The following POTEB3 variants were observed in gnomAD, a reference collection of about 807,000 sequenced individuals.
POTEB3 encodes the protein ANKRD26-like family B member 1.
A neutral mutation model predicts 39.8 loss-of-function variants in POTEB3; 5 were observed. The ratio of observed to expected loss-of-function variants is 0.13; its 90% CI spans 0.07 to 0.26. The LOEUF (loss-of-function observed/expected upper bound fraction) is 0.26, where lower values mean the gene tolerates loss of function less well. Ranked by LOEUF, POTEB3 falls within the 10% of genes least tolerant of loss-of-function variation. The pLI is 1.00. For missense variants in POTEB3, 24 were observed against 475.6 expected, an observed-to-expected ratio of 0.05 and a Z score of 8.83; for synonymous variants, 5 against 161.5, an observed-to-expected ratio of 0.03 and a Z score of 7.35.
rs1231323942 is a variant in POTEB3, at chr15:21,409,112, T to C, written c.1617A>G (p.Glu539=). Residue 539 remains glutamate, a synonymous_variant, in exon 11 of 11, where the codon GAA becomes GAG. Coordinates refer to ENST00000611217, the MANE Select transcript of POTEB3 (RefSeq NM_207355.5). ...LREEIAMLRL[E]LDETKHQNQL... ...GGTTCTGATGTTTTGTTTCATCTAG[T>C]TCCAGTCTTAGCATGGCAATTTCTT... 6 of 728,542 alleles carry C rather than the reference T, an allele frequency of 8.2e-6. 1 individual carries two copies. In the East Asian group the frequency reaches 1.9e-4, roughly 23 times the overall value. 45.1% of individuals were successfully genotyped at this position (728,542 alleles called of 1,614,324 possible). A position where few individuals can be genotyped will look rare whatever the true frequency, so the allele number is the denominator to read the frequency against.
At chr15:21,422,663 G>A (rs1898553117) in intron 6 of POTEB3, among the ~76,000 whole-genome samples, 1 of 144,894 alleles carries the variant, frequency 6.9e-6, no homozygotes. Flanking sequence ...AGACATCCCA[G>A]AGCAAGGTTA....
At chr15:21,433,170 C>A (rs1205871212) in intron 3 of POTEB3, among the ~76,000 whole-genome samples, 3 of 151,020 alleles carry the variant, frequency 2.0e-5, no homozygotes, top group African/African-American at 7.4e-5. Context: ...CTAGAAATAT[C>A]TGAAGTTTCT....
chr15:21,433,660 G>A (rs1184083867), intron 3 of POTEB3, among the ~76,000 whole-genome samples: 1 of 147,416 alleles, frequency 6.8e-6, no homozygotes, highest in African/African-American at 2.6e-5. Context: ...AATTTTCCCT[G>A]GTAAGAGTAG....
chr15:21,434,060 C>A (rs199807682), intron 3 of POTEB3, among the ~76,000 whole-genome samples: 3,552 of 93,746 alleles, frequency 0.038, 55 homozygotes, highest in African/African-American at 0.11. Context: ...CACACACACA[C>A]ACACAAACAA....
chr15:21,434,026 TAAC>T (rs1899085438), intron 3 of POTEB3, among the ~76,000 whole-genome samples: 1 of 115,522 alleles, frequency 8.7e-6, no homozygotes. Context: ...TGAACAACAA[TAAC>T]AACACACACA....
intron 3 of POTEB3, among the ~76,000 whole-genome samples, chr15:21,434,427 TG>T (rs1899110000): frequency 2.6e-5 from 2 of 76,480 alleles, no homozygotes; most frequent in East Asian, 3.0e-4. Context: ...ACAAATTCCG[TG>T]TTTTTTTTTT....
chr15:21,428,095 A>G (rs1391754229), intron 5 of POTEB3, among the ~76,000 whole-genome samples: 3 of 128,066 alleles, frequency 2.3e-5, no homozygotes, highest in Non-Finnish European at 5.0e-5. Context: ...TCTTAGGCTC[A>G]ATGTCTTCTT....
chr15:21,425,018 G>C (rs1898627591), intron 6 of POTEB3: 1 of 148,186 alleles, frequency 6.7e-6, no homozygotes, highest in Admixed American at 6.7e-5. Context: ...ATTAAAATGA[G>C]TAATGGGGAT....
chr15:21,409,954 C>CA (rs1898290002), intron 10 of POTEB3, among the ~76,000 whole-genome samples: 1 of 91,804 alleles, frequency 1.1e-5, no homozygotes, highest in Admixed American at 9.4e-5. Flanking sequence ...GCGTGGGTGA[C>CA]AGTGCAAGAC....
Position 21,407,496 on chromosome 15 carries a change from G to A in POTEB3, c.*1487C>T, listed in dbSNP as rs1163994432. On this transcript the variant is annotated 3_prime_UTR_variant, in exon 11 of 11. Transcript: ENST00000611217. ...GGAGAGGTAATGTGCAGGCTGGTAC[G>A]TGGCTGTAGAGGTCACCTTGCTGCA... Among the ~76,000 whole-genome samples, 1 of 88,670 alleles carries A rather than the reference G, an allele frequency of 1.1e-5. No homozygotes were observed. Among genetic ancestry groups the A allele is most frequent in the Non-Finnish European group, 2.0e-5 (1 of 49,326 alleles). 58.2% of individuals were successfully genotyped at this position (88,670 alleles called of 152,430 possible).
chr15:21,426,913 CT>C (rs1898738463), intron 6 of POTEB3, among the ~76,000 whole-genome samples: 1 of 131,976 alleles, frequency 7.6e-6, no homozygotes, highest in Non-Finnish European at 1.6e-5. Context: ...AACAAAATTA[CT>C]GTTATCAAGA....
Position 21,408,001 on chromosome 15 carries a change from A to G in POTEB3, c.*982T>C, listed in dbSNP as rs1167192029. The stretch of plus-strand genomic sequence containing the variant: ...CCTTGTCTCCTGGGGGCTACACCCC[A>G]GAGAGGTGTAAGTTAGGAGTTACTT... On this transcript the variant is annotated 3_prime_UTR_variant, in exon 11 of 11. Coordinates refer to ENST00000611217, the MANE Select transcript of POTEB3 (RefSeq NM_207355.5). 3.3e-4 allele frequency among the ~76,000 whole-genome samples: 25 copies of G among 75,894 alleles called. 8 individuals carry two copies. The highest frequency in any genetic ancestry group is 1.2e-3 in the South Asian group (4 of 3,274). 49.8% of individuals were successfully genotyped at this position (75,894 alleles called of 152,430 possible).
In POTEB3 at chr15:21,419,470, T is replaced by A; in HGVS notation, c.1403A>T (p.Tyr468Phe). ...TTATCTCCTATAGGCTTACCTGTGATACTCTTCATTCTCAGTGTCAGGAAA... is the reference window on the plus strand; with the variant it reads ...TTATCTCCTATAGGCTTACCTGTGAAACTCTTCATTCTCAGTGTCAGGAAA... ...QQFPDTENEEYHSDEQNDTQK... is the reference protein window; with the variant it reads ...QQFPDTENEEFHSDEQNDTQK... The change falls in exon 9 of 11, where the codon TAT becomes TTT. Residue 468 changes from tyrosine (Y) to phenylalanine (F), a missense_variant. Tyr to Phe is a conservative substitution (Grantham distance 22, BLOSUM62 3). Coordinates refer to ENST00000611217, the MANE Select transcript of POTEB3 (RefSeq NM_207355.5). 1.3e-6 allele frequency: 1 copy of A among 765,416 alleles called. No individual in the cohort carries two copies. The highest frequency in any genetic ancestry group is 1.8e-6 in the Non-Finnish European group (1 of 550,208). 47.4% of individuals were successfully genotyped at this position (765,416 alleles called of 1,614,324 possible).
chr15:21,433,381 C>T (rs1288546574), intron 3 of POTEB3, among the ~76,000 whole-genome samples: 2 of 150,082 alleles, frequency 1.3e-5, no homozygotes, highest in South Asian at 2.1e-4. Flanking sequence ...CACCACCATG[C>T]CTGGCTTCAA....
chr15:21,433,596 T>C (rs1472751884), intron 3 of POTEB3, among the ~76,000 whole-genome samples: 2 of 150,434 alleles, frequency 1.3e-5, no homozygotes, highest in African/African-American at 4.9e-5. Context: ...TTTGAGGATT[T>C]GGCCAAAAAG....
At chr15:21,409,850 G>A (rs1898287706) in intron 10 of POTEB3, among the ~76,000 whole-genome samples, 1 of 106,312 alleles carries the variant, frequency 9.4e-6, no homozygotes, top group Non-Finnish European at 1.8e-5. Context: ...GCTCACACCT[G>A]TAATCCCAGC....
rs1430553689 is a variant in POTEB3 at position 21,422,762 on chromosome 15, T to G, written c.1127-572A>C. On this transcript the variant is annotated intron_variant, in intron 6 of 10. Coordinates refer to ENST00000611217, the MANE Select transcript of POTEB3 (RefSeq NM_207355.5). ...ATGCATATATTTTGCAAATTCTTGTTTTCCCTCAATGCAGCTGCAAGGTCG... is the reference window on the plus strand; with the variant it reads ...ATGCATATATTTTGCAAATTCTTGTGTTCCCTCAATGCAGCTGCAAGGTCG... Among the ~76,000 whole-genome samples, 6 of 151,638 alleles carry G rather than the reference T, an allele frequency of 4.0e-5. No individual in the cohort carries two copies. In the South Asian group the frequency reaches 1.3e-3, roughly 32 times the overall value.
chr15:21,433,186 A>G (rs1595364971), intron 3 of POTEB3, among the ~76,000 whole-genome samples: 1 of 151,220 alleles, frequency 6.6e-6, no homozygotes, highest in African/African-American at 2.4e-5. Context: ...TTTCTGAGAT[A>G]TAAGAATTTA....
intron 9 of POTEB3, among the ~76,000 whole-genome samples, chr15:21,414,466 G>T (rs1305073169): frequency 6.7e-5 from 7 of 103,832 alleles, no homozygotes; most frequent in Non-Finnish European, 1.3e-4. Flanking sequence ...GAAAATTTTT[G>T]GTTAAAGTTG....
Sources: gnomAD v4.1 joint callset for allele counts (sites outside exome capture counted in the v4.1 genomes callset) on GRCh38, gnomAD v4.1.1 for gene constraint, MANE v1.5 for transcripts, NCBI Gene and HGNC (gene_info 2026-07-23, HGNC 2026-07-21) for gene names.